Variants in GPR153 observed in about 807,000 individuals in gnomAD.
GPR153 encodes the protein probable G protein-coupled receptor 153.
A neutral mutation model predicts 34.1 loss-of-function variants in GPR153; 27 were observed. The ratio of observed to expected loss-of-function variants is 0.79; its 90% CI spans 0.58 to 1.09. The LOEUF is 1.09. GPR153 is among the 50% of genes least tolerant of loss of function. GPR153 has a pLI of 0.00. For missense variants in GPR153, 848 were observed against 860.2 expected (o/e 0.99, Z 0.18); for synonymous variants, 408 against 405.4 (o/e 1.01, Z -0.08).
At position 6,252,389 on chromosome 1, in the gene GPR153, T is replaced by C. The variant is rs186279087; in HGVS notation, c.787-859A>G. 5.3e-5 allele frequency among the ~76,000 whole-genome samples: 8 copies of C among 151,860 alleles called. No homozygotes were observed. The East Asian group carries it at 1.4e-3, about 26-fold the overall frequency. ...TAAGAGACGCAGGGGTGGTTCTGACTCCCTCCCAGCCCCGCCTCTCCCCAC... is the reference window on the plus strand; with the variant it reads ...TAAGAGACGCAGGGGTGGTTCTGACCCCCTCCCAGCCCCGCCTCTCCCCAC... On this transcript the variant is annotated intron_variant, in intron 3 of 5. Transcript: ENST00000377893.
In GPR153 at chr1:6,260,947, G is replaced by A. The variant is rs994279680; in HGVS notation, c.-232C>T. The A allele has an allele frequency of 2.5e-4, 36 of 146,396 alleles. No homozygotes were observed. The highest frequency in any genetic ancestry group is 8.8e-4 in the African/African-American group (36 of 40,938). The allele number at this position is 146,396 out of a possible 1,614,324, so 9.1% of individuals were successfully genotyped here. A position where few individuals can be genotyped will look rare whatever the true frequency, so the allele number is the denominator to read the frequency against. On this transcript the variant is annotated 5_prime_UTR_variant, in exon 1 of 6. Transcript: ENST00000377893. ...CGCGGGGGTGGCTGGCGGCGGAGCG[G>A]CCCGCGGGCCGGGGCATGCTGGCGG... is the stretch of plus-strand genomic sequence containing the variant.
rs563570975 is a variant in GPR153 at position 6,250,372 on chromosome 1, G to A, written c.1164+68C>T. 696 of 1,487,996 alleles carry A rather than the reference G, an allele frequency of 4.7e-4. 4 individuals carry two copies. In the South Asian group the frequency reaches 7.4e-3, roughly 16 times the overall value. The allele number at this position is 1,487,996 out of a possible 1,614,324, so 92.2% of individuals were successfully genotyped here. ...AGGCGTGAGATGGGCTCCGAGTGGA[G>A]AGGCCTCGGGGAGCTCAGGACACCC... On this transcript the variant is annotated intron_variant, in intron 5 of 5. Transcript: ENST00000377893.
At chr1:6,253,083 C>G (rs912554456) in intron 3 of GPR153, among the ~76,000 whole-genome samples, 9 of 152,192 alleles carry the variant, frequency 5.9e-5, no homozygotes, top group African/African-American at 1.9e-4. Flanking sequence ...GGTATGCTAT[C>G]CTACCTCTGC....
At chr1:6,250,309 C>G in intron 5 of GPR153, 131 bp downstream of exon 5, 2 of 1,446,216 alleles carry the variant, frequency 1.4e-6, no homozygotes, top group Admixed American at 5.4e-5. Context: ...TTGGACAGCC[C>G]GTCCTCGGAT....
At position 6,247,695 on chromosome 1, in the gene GPR153, C is replaced by A. The variant is rs2100980268; in HGVS notation, c.*1643G>T. 1 of 152,426 alleles carries A rather than the reference C, an allele frequency of 6.6e-6. No homozygotes were observed. Among genetic ancestry groups the A allele is most frequent in the Non-Finnish European group, 1.5e-5 (1 of 68,080 alleles). 9.4% of individuals were successfully genotyped at this position (152,426 alleles called of 1,614,324 possible). A position where few individuals can be genotyped will look rare whatever the true frequency, so the allele number is the denominator to read the frequency against. ...CTAAGGTGACAAGTGGACAGACGCCCCCCAGATGGAGGAGACACTGGCTAG... is the reference window on the plus strand; with the variant it reads ...CTAAGGTGACAAGTGGACAGACGCCACCCAGATGGAGGAGACACTGGCTAG... On this transcript the variant is annotated 3_prime_UTR_variant, in exon 6 of 6. Transcript: ENST00000377893.
At position 6,254,784 on chromosome 1, in the gene GPR153, G is replaced by A; in HGVS notation, c.122C>T (p.Pro41Leu). The A allele has an allele frequency of 1.9e-6, 3 of 1,613,686 alleles. No individual in the cohort carries two copies. The highest frequency in any genetic ancestry group is 2.5e-6 in the Non-Finnish European group (3 of 1,179,936). Residue 41 changes from proline (P) to leucine (L), a missense_variant, in exon 2 of 6, where the codon CCC becomes CTC. Transcript: ENST00000377893. The stretch of plus-strand genomic sequence containing the variant: ...GAGTGTACACAGCAGGAACTCCAAG[G>A]GCTTCCACTTCTTCTGCTTGGCGCC... ...SVGAKQKKWK[P>L]LEFLLCTLAA... is the part of the protein sequence containing the mutation.
chr1:6,249,883 G>A lies in GPR153; in HGVS notation c.1285C>T (p.Leu429=). 2 of 1,292,204 alleles carry A rather than the reference G, an allele frequency of 1.5e-6. No individual in the cohort carries two copies. The highest frequency in any genetic ancestry group is 2.7e-5 in the South Asian group (1 of 37,538). 80.0% of individuals were successfully genotyped at this position (1,292,204 alleles called of 1,614,324 possible). A position where few individuals can be genotyped will look rare whatever the true frequency, so the allele number is the denominator to read the frequency against. Residue 429 remains leucine (L), a synonymous_variant, in exon 6 of 6, where the codon CTG becomes TTG. Coordinates refer to ENST00000377893, the MANE Select transcript of GPR153 (RefSeq NM_207370.4). The surrounding 1 kb of genome is among the most constrained non-coding windows in gnomAD (Gnocchi z 4.3). ...CGGCGCCGCTCGGGCCCGGCAGGCA[G>A]CACCAGGTGCGCCAGGGCGGCCAGG... The part of the protein sequence containing the change: ...EDLAALAHLV[L]PAGPERRRAS...
rs745469864 is a variant in GPR153, at chr1:6,253,937, G to A, written c.567C>T (p.Ile189=). The change falls in exon 3 of 6, where the codon ATC becomes ATT. Residue 189 remains isoleucine, a synonymous_variant. Coordinates refer to ENST00000377893, the MANE Select transcript of GPR153 (RefSeq NM_207370.4). ...TCTGGAAGAGGGCGATGGCTGTGCA[G>A]ATCACGCCCATGGCCACGCTGCCGC... ...LVGGSVAMGV[I]CTAIALFQTL... 4.0e-5 allele frequency: 65 copies of A among 1,611,758 alleles called. No homozygotes were observed. The Admixed American group carries it at 1.1e-3, about 27-fold the overall frequency.
At chr1:6,260,523 T>C (rs1534996) in intron 1 of GPR153, among the ~76,000 whole-genome samples, 110,125 of 151,618 alleles carry the variant, frequency 0.73, 40,233 homozygotes, top group African/African-American at 0.79. Context: ...CGGACCCCTC[T>C]GGGTTGCGCC....
In GPR153 at chr1:6,255,001, G is replaced by T; in HGVS notation, c.-96C>A. The T allele has an allele frequency of 1.1e-6, 1 of 875,648 alleles. No homozygotes were observed. Among genetic ancestry groups the T allele is most frequent in the Non-Finnish European group, 1.7e-6 (1 of 598,128 alleles). The allele number at this position is 875,648 out of a possible 1,614,324, so 54.2% of individuals were successfully genotyped here. ...CACTCCTGGTGGCTCAAGGATGCTG[G>T]GGACCACGAGCATCTGTGGGGGGGT... On this transcript the variant is annotated 5_prime_UTR_variant, in exon 2 of 6. Coordinates refer to ENST00000377893, the MANE Select transcript of GPR153 (RefSeq NM_207370.4).
intron 4 of GPR153, 66 bp from the exon 5 acceptor site, chr1:6,250,690 A>C (rs1638429085): frequency 1.4e-6 from 1 of 711,630 alleles, no homozygotes; most frequent in Non-Finnish European, 2.3e-6. Flanking sequence ...GGCATCTGGG[A>C]GGGAATCCCA....
intron 1 of GPR153, among the ~76,000 whole-genome samples, chr1:6,256,384 T>TC (rs951247655): frequency 2.6e-5 from 4 of 151,400 alleles, no homozygotes; most frequent in African/African-American, 4.8e-5. Flanking sequence ...TCTTTTTTTT[T>TC]TTTTTAGACA....
chr1:6,250,644 TG>T lies in GPR153; in HGVS notation c.980-21del, dbSNP rs773923705. 1.5e-4 allele frequency: 6 copies of T among 40,132 alleles called. No homozygotes were observed. Among genetic ancestry groups the T allele is most frequent in the Non-Finnish European group, 1.9e-4 (4 of 21,342 alleles). 2.5% of individuals were successfully genotyped at this position (40,132 alleles called of 1,614,324 possible). A position where few individuals can be genotyped will look rare whatever the true frequency, so the allele number is the denominator to read the frequency against. ...TGGTCTCTGTAGGGTGGGGGGTGGG[TG>T]GGGGGGCAGAGCCTTAGGGTCATGG... On this transcript the variant is annotated intron_variant, in intron 4 of 5. Coordinates refer to ENST00000377893, the MANE Select transcript of GPR153 (RefSeq NM_207370.4).
At position 6,250,006 on chromosome 1, in the gene GPR153, G is replaced by C. The variant is rs1447959887; in HGVS notation, c.1165-3C>G. The stretch of plus-strand genomic sequence containing the variant: ...GAGAAGCGCCGCGTGGGCGGGACCT[G>C]TCAGGACGCGGCTGGCTTTTACCCC... On this transcript the variant is annotated splice_region_variant and splice_polypyrimidine_tract_variant and intron_variant, in intron 5 of 5. Coordinates refer to ENST00000377893, the MANE Select transcript of GPR153 (RefSeq NM_207370.4). 7.9e-7 allele frequency: 1 copy of C among 1,258,028 alleles called. No individual in the cohort carries two copies. The highest frequency in any genetic ancestry group is 1.0e-6 in the Non-Finnish European group (1 of 995,052). 77.9% of individuals were successfully genotyped at this position (1,258,028 alleles called of 1,614,324 possible). A position where few individuals can be genotyped will look rare whatever the true frequency, so the allele number is the denominator to read the frequency against.
Position 6,248,877 on chromosome 1 carries a change from G to C in GPR153, c.*461C>G, listed in dbSNP as rs1331264690. 1.3e-5 allele frequency: 2 copies of C among 153,820 alleles called. No individual in the cohort carries two copies. The highest frequency in any genetic ancestry group is 2.9e-5 in the Non-Finnish European group (2 of 69,542). The allele number at this position is 153,820 out of a possible 1,614,324, so 9.5% of individuals were successfully genotyped here. A position where few individuals can be genotyped will look rare whatever the true frequency, so the allele number is the denominator to read the frequency against. On this transcript the variant is annotated 3_prime_UTR_variant, in exon 6 of 6. Coordinates refer to ENST00000377893, the MANE Select transcript of GPR153 (RefSeq NM_207370.4). ...CCTCTGTACCCTCCCCCCCCCCGAA[G>C]GGTGTGGCGGTTATGGTGCAGTGTG...
chr1:6,253,463 C>G (rs937964575), intron 3 of GPR153, among the ~76,000 whole-genome samples: 1 of 152,228 alleles, frequency 6.6e-6, no homozygotes, highest in Non-Finnish European at 1.5e-5. Flanking sequence ...GGGGAGTAAA[C>G]TCTTCTGCAC....
At chr1:6,253,142 A>G (rs1484016708) in intron 3 of GPR153, among the ~76,000 whole-genome samples, 1 of 152,142 alleles carries the variant, frequency 6.6e-6, no homozygotes, top group East Asian at 1.9e-4. Flanking sequence ...TTGTAATCCT[A>G]GCAGTTTGGG....
chr1:6,254,451 C>G, intron 2 of GPR153, 99 bp downstream of exon 2: 1 of 1,116,424 alleles, frequency 9.0e-7, no homozygotes, highest in Non-Finnish European at 1.3e-6. Flanking sequence ...CAGCATGCCA[C>G]AGGTGTGGCC....
rs764939943 is a variant in GPR153 at position 6,254,631 on chromosome 1, G to A, written c.275C>T (p.Thr92Ile). ...AGAGAAACAGGTGGCCAGGGTGAGG[G>A]TGTAGAAGGTGGACACGAAGACCTT... ...LCKVFVSTFY[T>I]LTLATCFSVT... is the part of the protein sequence containing the mutation. The change falls in exon 2 of 6, where the codon ACC becomes ATC. Residue 92 changes from threonine (T) to isoleucine (I), a missense_variant. Physicochemically the swap from Thr to Ile is moderately conservative, Grantham distance 89. Transcript: ENST00000377893. 6.2e-7 allele frequency: 1 copy of A among 1,613,326 alleles called. No homozygotes were observed. The highest frequency in any genetic ancestry group is 1.1e-5 in the South Asian group (1 of 90,990).
Sources: gnomAD v4.1 joint callset for allele counts (sites outside exome capture counted in the v4.1 genomes callset) on GRCh38, gnomAD v4.1.1 for gene constraint, Gnocchi (gnomAD v3.1) non-coding constraint, MANE v1.5 for transcripts, NCBI Gene and HGNC (gene_info 2026-07-23, HGNC 2026-07-21) for gene names.